The following COMMD6 variants were observed in gnomAD, a reference collection of about 807,000 sequenced individuals.
COMMD6 encodes COMM domain-containing protein 6.
A neutral mutation model predicts 13.4 loss-of-function variants in COMMD6; 11 were observed. The ratio of observed to expected loss-of-function variants is 0.82; its 90% CI spans 0.52 to 1.36. The LOEUF (loss-of-function observed/expected upper bound fraction) is 1.36, where lower values mean the gene tolerates loss of function less well. COMMD6 is among the 40% of genes most tolerant of loss of function. The pLI is 0.00. For missense variants in COMMD6, 124 were observed against 102.4 expected (o/e 1.21, Z -0.91); for synonymous variants, 43 against 36.5 (o/e 1.18, Z -0.64).
At chr13:75,549,386 A>T in exon 1 of COMMD6, 1 of 177,284 alleles carries the variant, frequency 5.6e-6, no homozygotes, top group African/African-American at 2.3e-5. Context: ...CGTCTGTCTC[A>T]GAATAGGACT....
intron 3 of COMMD6, among the ~76,000 whole-genome samples, chr13:75,528,080 G>A (rs2030332887): frequency 6.6e-6 from 1 of 151,790 alleles, no homozygotes; most frequent in Non-Finnish European, 1.5e-5. Flanking sequence ...ACTGTGTGGG[G>A]GTGGATGTGT....
intron 3 of COMMD6, chr13:75,529,580 C>G (rs1462010189): frequency 6.6e-6 from 1 of 151,696 alleles, no homozygotes; most frequent in Non-Finnish European, 1.5e-5. Context: ...TCCCCCCCAC[C>G]TTTTATTCCT....
chr13:75,549,029 C>CT (rs1231448138), intron 1 of COMMD6, among the ~76,000 whole-genome samples: 1 of 152,194 alleles, frequency 6.6e-6, no homozygotes, highest in Non-Finnish European at 1.5e-5. Context: ...CAGGAATCCA[C>CT]TTTTTCAGGA....
chr13:75,532,657 C>T (rs531244567), intron 2 of COMMD6, among the ~76,000 whole-genome samples: 2 of 152,200 alleles, frequency 1.3e-5, no homozygotes, highest in Admixed American at 6.5e-5. Context: ...CAGTGAAACC[C>T]CATCTCTACC....
At chr13:75,527,828 A>T in intron 3 of COMMD6, 1 of 1,513,212 alleles carries the variant, frequency 6.6e-7, no homozygotes. Flanking sequence ...CAGAAAGGAG[A>T]CTGGAGGTTG....
upstream of COMMD6, chr13:75,538,879 G>A (rs1264837102): frequency 1.3e-5 from 2 of 152,212 alleles, no homozygotes; most frequent in Non-Finnish European, 2.9e-5. Flanking sequence ...TGAAGGTTCC[G>A]GGGTGGTGGG....
chr13:75,537,348 T>G (rs2030704797), intron 2 of COMMD6: 1 of 1,550,678 alleles, frequency 6.4e-7, no homozygotes, highest in Non-Finnish European at 8.7e-7. Context: ...CTCTGCAAAT[T>G]TTCCTAACTT....
chr13:75,537,965 A>C, upstream of COMMD6: 2 of 678,608 alleles, frequency 2.9e-6, no homozygotes, highest in Non-Finnish European at 2.4e-6. Flanking sequence ...TCTTAATTCA[A>C]CATATATCTT....
At chr13:75,531,334 T>G (rs774555803) in intron 2 of COMMD6, among the ~76,000 whole-genome samples, 10 of 152,140 alleles carry the variant, frequency 6.6e-5, no homozygotes, top group Non-Finnish European at 1.3e-4. Flanking sequence ...CAATCAACCA[T>G]AAAAGTTATA....
At chr13:75,539,801 AC>A (rs1315720071), upstream of COMMD6, among the ~76,000 whole-genome samples, 1 of 152,054 alleles carries the variant, frequency 6.6e-6, no homozygotes, top group Non-Finnish European at 1.5e-5. Flanking sequence ...AAACAAAAAA[AC>A]CCCCCACTGA....
chr13:75,544,005 C>T (rs2030862655), intron 1 of COMMD6, among the ~76,000 whole-genome samples: 1 of 152,062 alleles, frequency 6.6e-6, no homozygotes, highest in Non-Finnish European at 1.5e-5. Context: ...TTCCTGACTC[C>T]CAGTGTATCT....
intron 1 of COMMD6, among the ~76,000 whole-genome samples, chr13:75,545,427 G>C: frequency 6.6e-6 from 1 of 151,880 alleles, no homozygotes; most frequent in Admixed American, 6.6e-5. Flanking sequence ...ATTTACATCA[G>C]GAATTATAGT....
chr13:75,532,914 C>T (rs1262082645), intron 2 of COMMD6, among the ~76,000 whole-genome samples: 1 of 151,684 alleles, frequency 6.6e-6, no homozygotes, highest in African/African-American at 2.4e-5. Context: ...GGACTCAACT[C>T]ACTGAAAGTT....
intron 3 of COMMD6, among the ~76,000 whole-genome samples, chr13:75,529,308 C>T (rs1476185754): frequency 6.6e-6 from 1 of 152,104 alleles, no homozygotes; most frequent in Non-Finnish European, 1.5e-5. Flanking sequence ...ATCACAAGGT[C>T]AGGAGATCGA....
chr13:75,531,093 C>A (rs1566197362), intron 2 of COMMD6, among the ~76,000 whole-genome samples: 1 of 152,220 alleles, frequency 6.6e-6, no homozygotes, highest in African/African-American at 2.4e-5. Flanking sequence ...TGCTCACTGA[C>A]TGATACCTTT....
At chr13:75,537,528 G>C in intron 2 of COMMD6, 136 bp downstream of exon 2, 3 of 1,581,710 alleles carry the variant, frequency 1.9e-6, no homozygotes, top group Non-Finnish European at 2.6e-6. Context: ...AAGGAGCAAT[G>C]CAAGAGGGAC....
chr13:75,527,846 C>T (rs756535302), intron 3 of COMMD6: 4 of 1,507,108 alleles, frequency 2.7e-6, no homozygotes, highest in Middle Eastern at 3.5e-4. Context: ...TTGCCAGGAG[C>T]TGAGGCTGGG....
chr13:75,532,933 G>GTTTT (rs1418511938), intron 2 of COMMD6, among the ~76,000 whole-genome samples: 3 of 134,628 alleles, frequency 2.2e-5, no homozygotes, highest in Non-Finnish European at 4.9e-5. Flanking sequence ...TTTTTGTTTT[G>GTTTT]TTTTTTTTTT....
chr13:75,527,830 T>G (rs369631599), intron 3 of COMMD6: 1 of 1,513,030 alleles, frequency 6.6e-7, no homozygotes, highest in African/African-American at 1.4e-5. Flanking sequence ...GAAAGGAGAC[T>G]GGAGGTTGCC....
Sources: allele counts gnomAD v4.1 joint callset (sites outside exome capture counted in the v4.1 genomes callset), GRCh38; gene constraint gnomAD v4.1.1; transcripts MANE v1.5; gene names NCBI Gene and HGNC (gene_info 2026-07-23, HGNC 2026-07-21).